The following MICU1 variants were observed in gnomAD, a reference collection of about 807,000 sequenced individuals.
MICU1 encodes mitochondrial calcium uptake 1.
A neutral mutation model predicts 56.8 loss-of-function variants in MICU1; 45 were observed. The observed-to-expected ratio is 0.79, with a 90% CI of 0.62 to 1.02. MICU1 has a LOEUF of 1.02. Among genes scored for constraint, MICU1 ranks in the 50% least tolerant of loss-of-function variants. The pLI is 0.00. For missense variants in MICU1, 504 were observed against 587.1 expected (o/e 0.86, Z 1.46); for synonymous variants, 186 against 195.1 (o/e 0.95, Z 0.39).
intron 1 of MICU1, among the ~76,000 whole-genome samples, chr10:72,598,654 GCATATAAT>G (rs1211253710): frequency 6.6e-6 from 1 of 151,984 alleles, no homozygotes; most frequent in Non-Finnish European, 1.5e-5. Flanking sequence ...TTCCTGAGAT[GCATATAAT>G]CACTTACAAG....
At chr10:72,493,702 C>A (rs1263553308) in intron 6 of MICU1, among the ~76,000 whole-genome samples, 4 of 152,264 alleles carry the variant, frequency 2.6e-5, no homozygotes, top group Non-Finnish European at 5.9e-5. Flanking sequence ...AGCGTTCTGC[C>A]CGCCTTGGTC....
chr10:72,372,551 G>C (rs1054769766), intron 11 of MICU1, among the ~76,000 whole-genome samples: 23 of 151,568 alleles, frequency 1.5e-4, no homozygotes, highest in African/African-American at 5.6e-4. Context: ...ATAAAAAGAA[G>C]CTTGAGGCCA....
At chr10:72,610,593 T>C (rs1369322751) in intron 1 of MICU1, among the ~76,000 whole-genome samples, 1 of 152,208 alleles carries the variant, frequency 6.6e-6, no homozygotes, top group African/African-American at 2.4e-5. Context: ...CAGTCAACTG[T>C]AGCTACAGCT....
chr10:72,571,987 A>G (rs1840621792), intron 1 of MICU1, among the ~76,000 whole-genome samples: 2 of 152,018 alleles, frequency 1.3e-5, no homozygotes, highest in African/African-American at 4.8e-5. Context: ...AATTAAAACA[A>G]TAACAACAAC....
chr10:72,604,579 CT>C (rs911426871), intron 1 of MICU1, among the ~76,000 whole-genome samples: 2,199 of 144,264 alleles, frequency 0.015, 31 homozygotes, highest in African/African-American at 0.039. Flanking sequence ...GGCCTTCTGC[CT>C]TTTTTTTTTT....
intron 1 of MICU1, among the ~76,000 whole-genome samples, chr10:72,620,334 G>A (rs1842074778): frequency 6.6e-6 from 1 of 152,022 alleles, no homozygotes; most frequent in Non-Finnish European, 1.5e-5. Context: ...ACAGGAGTGT[G>A]CTACCATGCC....
intron 9 of MICU1, among the ~76,000 whole-genome samples, chr10:72,421,487 C>G (rs1864173482): frequency 6.6e-6 from 1 of 152,154 alleles, no homozygotes; most frequent in South Asian, 2.1e-4. Flanking sequence ...GTTGGCCAGG[C>G]TGGTCTTGAA....
At chr10:72,583,834 G>A (rs145066126) in intron 1 of MICU1, among the ~76,000 whole-genome samples, 9 of 152,210 alleles carry the variant, frequency 5.9e-5, no homozygotes, top group African/African-American at 2.2e-4. Context: ...ATACAGTAGA[G>A]ATTAATGTTC....
intron 10 of MICU1, among the ~76,000 whole-genome samples, chr10:72,377,503 G>T (rs1005207302): frequency 1.3e-5 from 2 of 152,048 alleles, no homozygotes; most frequent in African/African-American, 2.4e-5. Context: ...CTTTTCTCTT[G>T]CCGTTTTCTC....
intron 8 of MICU1, among the ~76,000 whole-genome samples, chr10:72,436,895 T>C (rs1864745340): frequency 1.3e-5 from 2 of 152,168 alleles, no homozygotes; most frequent in Admixed American, 6.5e-5. Flanking sequence ...TATGGGACTA[T>C]GTGCAAAGAC....
chr10:72,491,290 A>C (rs1451189799), intron 6 of MICU1, among the ~76,000 whole-genome samples: 4 of 152,208 alleles, frequency 2.6e-5, no homozygotes, highest in Non-Finnish European at 5.9e-5. Flanking sequence ...TTAAATATTA[A>C]TATTACTTTA....
At chr10:72,476,000 G>A in intron 7 of MICU1, 1 of 413,566 alleles carries the variant, frequency 2.4e-6, no homozygotes, top group Non-Finnish European at 4.8e-6. Flanking sequence ...GCTGAGGTGG[G>A]TGGATCACCT....
chr10:72,447,673 TAA>T (rs978675735), intron 8 of MICU1, among the ~76,000 whole-genome samples: 3 of 150,612 alleles, frequency 2.0e-5, no homozygotes, highest in African/African-American at 7.3e-5. Flanking sequence ...AGGCAGAAGT[TAA>T]AAAAAAAGAT....
intron 8 of MICU1, among the ~76,000 whole-genome samples, chr10:72,466,189 GACT>G (rs1394935148): frequency 6.6e-6 from 1 of 152,160 alleles, no homozygotes; most frequent in Non-Finnish European, 1.5e-5. Context: ...TAACAGAAAT[GACT>G]ACTAAGTGAC....
At chr10:72,455,774 C>T (rs536799117) in intron 8 of MICU1, among the ~76,000 whole-genome samples, 1 of 151,898 alleles carries the variant, frequency 6.6e-6, no homozygotes, top group East Asian at 1.9e-4. Context: ...AACAATAAAC[C>T]ATGGTGCATA....
At chr10:72,478,057 C>A (rs185000020) in intron 6 of MICU1, among the ~76,000 whole-genome samples, 1 of 151,762 alleles carries the variant, frequency 6.6e-6, no homozygotes, top group African/African-American at 2.4e-5. Context: ...TTAGCAGAGA[C>A]GGGGTTTCAC....
chr10:72,392,188 G>A (rs1268441679), intron 10 of MICU1: 5 of 152,160 alleles, frequency 3.3e-5, no homozygotes, highest in Non-Finnish European at 7.3e-5. Context: ...TTGTAACTCT[G>A]TGTGTGTGTG....
intron 8 of MICU1, among the ~76,000 whole-genome samples, chr10:72,461,567 C>T (rs1199309419): frequency 6.6e-6 from 1 of 152,220 alleles, no homozygotes; most frequent in Non-Finnish European, 1.5e-5. Context: ...TTATAAGCTT[C>T]TTGAAAGCAG....
intron 6 of MICU1, among the ~76,000 whole-genome samples, chr10:72,491,085 G>A (rs570099398): frequency 2.6e-5 from 4 of 152,246 alleles, no homozygotes; most frequent in African/African-American, 9.6e-5. Flanking sequence ...ATTTACCATA[G>A]AACAAGAAGA....
Sources: allele counts gnomAD v4.1 joint callset (sites outside exome capture counted in the v4.1 genomes callset), GRCh38; gene constraint gnomAD v4.1.1; transcripts MANE v1.5; gene names NCBI Gene and HGNC (gene_info 2026-07-23, HGNC 2026-07-21).